The following CLASP1 variants were observed in gnomAD, a reference collection of about 807,000 sequenced individuals.
The protein encoded by CLASP1 is CLIP-associating protein 1.
CLASP1 carries 38 observed loss-of-function variants against 192.3 expected under a neutral mutation model. The ratio of observed to expected loss-of-function variants is 0.20; its 90% CI spans 0.15 to 0.26. The LOEUF (loss-of-function observed/expected upper bound fraction) is 0.26, where lower values mean the gene tolerates loss of function less well. Among genes scored for constraint, CLASP1 ranks in the 10% least tolerant of loss-of-function variants. CLASP1 has a pLI of 1.00. For missense variants in CLASP1, 1,433 were observed against 1,932.5 expected (o/e 0.74, Z 4.85); for synonymous variants, 691 against 712.8 (o/e 0.97, Z 0.49).
chr2:121,555,276 G>A (rs998608250), intron 2 of CLASP1, among the ~76,000 whole-genome samples: 8 of 152,168 alleles, frequency 5.3e-5, no homozygotes, highest in Admixed American at 6.5e-5. Context: ...TTCAGGACTC[G>A]CTTCAAGCCT....
chr2:121,503,306 G>T, intron 7 of CLASP1, 72 bp from the exon 8 acceptor site: 1 of 890,836 alleles, frequency 1.1e-6, no homozygotes, highest in Non-Finnish European at 1.8e-6. Flanking sequence ...AAATGCTAAT[G>T]TGAAGTTGAT....
intron 9 of CLASP1, among the ~76,000 whole-genome samples, chr2:121,466,996 AGT>A (rs1226800795): frequency 6.6e-6 from 1 of 152,146 alleles, no homozygotes; most frequent in Non-Finnish European, 1.5e-5. Context: ...AACAGGTCCC[AGT>A]GTGTGTTTTC....
intron 1 of CLASP1, among the ~76,000 whole-genome samples, chr2:121,637,169 G>T (rs1308443234): frequency 6.6e-6 from 1 of 152,120 alleles, no homozygotes; most frequent in Non-Finnish European, 1.5e-5. Flanking sequence ...GAAAGGAGGG[G>T]AATTCATATT....
intron 30 of CLASP1, among the ~76,000 whole-genome samples, chr2:121,390,228 G>C (rs2074102889): frequency 6.6e-6 from 1 of 152,160 alleles, no homozygotes; most frequent in African/African-American, 2.4e-5. Context: ...AGTAATTCCA[G>C]ATATGGAACT....
chr2:121,382,168 A>T (rs2071836179), intron 33 of CLASP1, 40 bp downstream of exon 34: 1 of 1,486,500 alleles, frequency 6.7e-7, no homozygotes, highest in African/African-American at 1.4e-5. Context: ...ATGCAATAAT[A>T]TTGTGACACC....
intron 8 of CLASP1, among the ~76,000 whole-genome samples, chr2:121,478,920 AC>A (rs1468750571): frequency 7.5e-4 from 27 of 36,142 alleles, no homozygotes; most frequent in African/African-American, 2.9e-3. Context: ...CACACCACAC[AC>A]ACACCACACA....
intron 2 of CLASP1, among the ~76,000 whole-genome samples, chr2:121,562,425 C>G (rs974693071): frequency 2.0e-5 from 3 of 152,228 alleles, no homozygotes; most frequent in South Asian, 4.1e-4. Context: ...TCTCTCATCC[C>G]TTTTCCTGAA....
chr2:121,600,594 A>G (rs1203250481), intron 2 of CLASP1, among the ~76,000 whole-genome samples: 2 of 152,214 alleles, frequency 1.3e-5, no homozygotes, highest in African/African-American at 4.8e-5. Context: ...CAGTGTTACT[A>G]CTTTCTTCTT....
At chr2:121,427,206 G>A (rs1470359095) in intron 21 of CLASP1, among the ~76,000 whole-genome samples, 198 bp downstream of exon 21, 5 of 152,032 alleles carry the variant, frequency 3.3e-5, no homozygotes, top group African/African-American at 9.7e-5. Flanking sequence ...TAAAATTTGA[G>A]CTATATAAAC....
intron 8 of CLASP1, among the ~76,000 whole-genome samples, chr2:121,488,088 C>A (rs2093088069): frequency 2.6e-5 from 4 of 152,170 alleles, no homozygotes. Context: ...TGCTCCAGCC[C>A]TAAACTCAGC....
intron 30 of CLASP1, among the ~76,000 whole-genome samples, chr2:121,392,737 T>A (rs2074597824): frequency 6.6e-6 from 1 of 152,192 alleles, no homozygotes; most frequent in Non-Finnish European, 1.5e-5. Flanking sequence ...TTATCTTACA[T>A]CAACACAGTG....
At chr2:121,338,491 TCTG>T (rs1390553994) in exon 40 of CLASP1, 1 of 152,394 alleles carries the variant, frequency 6.6e-6, no homozygotes, top group Admixed American at 6.5e-5. Context: ...TCTTTTGTGT[TCTG>T]TTTTTCATTG....
intron 12 of CLASP1, 180 bp downstream of exon 12, chr2:121,459,800 T>C: frequency 2.2e-6 from 1 of 450,694 alleles, no homozygotes; most frequent in Non-Finnish European, 3.8e-6. Context: ...TCTGTCACAC[T>C]TCACATAATT....
chr2:121,636,757 C>T (rs1208436680), intron 1 of CLASP1, among the ~76,000 whole-genome samples: 2 of 152,058 alleles, frequency 1.3e-5, no homozygotes, highest in African/African-American at 4.8e-5. Flanking sequence ...TAGAACTTAC[C>T]CAAATACCAT....
intron 1 of CLASP1, among the ~76,000 whole-genome samples, chr2:121,622,259 T>C (rs967513098): frequency 6.6e-6 from 1 of 152,056 alleles, no homozygotes; most frequent in Non-Finnish European, 1.5e-5. Flanking sequence ...GATCTTTCAA[T>C]GATGTTTTAT....
chr2:121,449,728 A>G (rs570228953), intron 16 of CLASP1, among the ~76,000 whole-genome samples: 3 of 152,212 alleles, frequency 2.0e-5, no homozygotes, highest in African/African-American at 7.2e-5. Context: ...AGAAACTAGC[A>G]AAGAAAAAAT....
intron 8 of CLASP1, among the ~76,000 whole-genome samples, chr2:121,471,015 A>C (rs1372276263): frequency 6.6e-6 from 1 of 152,266 alleles, no homozygotes; most frequent in Non-Finnish European, 1.5e-5. Flanking sequence ...AATTTTAAAA[A>C]AACACAGCTA....
intron 37 of CLASP1, among the ~76,000 whole-genome samples, chr2:121,357,829 G>T (rs2065696985): frequency 6.6e-6 from 1 of 152,188 alleles, no homozygotes; most frequent in Non-Finnish European, 1.5e-5. Flanking sequence ...CAACCCAGGA[G>T]TGTCTTCCAA....
chr2:121,609,855 C>A (rs1359316251), intron 1 of CLASP1, among the ~76,000 whole-genome samples: 2 of 152,142 alleles, frequency 1.3e-5, no homozygotes. Context: ...GCAGGAGAAT[C>A]GCTTGAAGCA....
Sources: gnomAD v4.1 joint callset for allele counts (sites outside exome capture counted in the v4.1 genomes callset) on GRCh38, gnomAD v4.1.1 for gene constraint, MANE v1.5 for transcripts, NCBI Gene and HGNC (gene_info 2026-07-23, HGNC 2026-07-21) for gene names.